TIGD4: variants seen among roughly 807,000 people sequenced by gnomAD.
TIGD4 encodes the protein tigger transposable element-derived protein 4.
A neutral mutation model predicts 24.9 loss-of-function variants in TIGD4; 20 were observed. That is an observed-to-expected ratio of 0.80 (90% CI 0.56 to 1.17). The LOEUF is 1.17. Among genes scored for constraint, TIGD4 ranks in the 50% most tolerant of loss-of-function variants. TIGD4 has a pLI of 0.00. For missense variants in TIGD4, 566 were observed against 591.0 expected (o/e 0.96, Z 0.44); for synonymous variants, 193 against 211.0 (o/e 0.91, Z 0.74).
chr4:152,775,727 C>T (rs1264870241), intron 1 of TIGD4, among the ~76,000 whole-genome samples: 1 of 152,206 alleles, frequency 6.6e-6, no homozygotes, highest in East Asian at 1.9e-4. Context: ...TCTTAAAGTG[C>T]TCACTTGATT....
intron 1 of TIGD4, among the ~76,000 whole-genome samples, chr4:152,771,893 G>A (rs1730182700): frequency 1.3e-5 from 2 of 152,070 alleles, no homozygotes. Flanking sequence ...TTCACATGAG[G>A]TCACAGACTG....
Position 152,770,012 on chromosome 4 carries a change from T to A in TIGD4, c.993A>T (p.Arg331=). Residue 331 remains arginine, a synonymous_variant, in exon 2 of 2, where the codon CGA becomes CGT. Coordinates refer to ENST00000304337, the MANE Select transcript of TIGD4 (RefSeq NM_145720.4). ...TTAAAAATTTCTTGATAAGACAGTG[T>A]CGATATTTGATTTTAAGGCTTTTAA... ...GVIKSLKIKY[R]HCLIKKFLSS... 4.3e-6 allele frequency: 7 copies of A among 1,610,690 alleles called. No individual in the cohort carries two copies. Among genetic ancestry groups the A allele is most frequent in the Non-Finnish European group, 5.9e-6 (7 of 1,177,680 alleles).
chr4:152,771,731 T>C (rs553344027), intron 1 of TIGD4, among the ~76,000 whole-genome samples, 189 bp from the exon 2 acceptor site: 38 of 152,352 alleles, frequency 2.5e-4, no homozygotes, highest in African/African-American at 8.9e-4. Context: ...TCTCTAGTTC[T>C]GTTCTACAGA....
chr4:152,772,493 T>C (rs1478946538), intron 1 of TIGD4, among the ~76,000 whole-genome samples: 3 of 152,222 alleles, frequency 2.0e-5, no homozygotes, highest in Non-Finnish European at 2.9e-5. Flanking sequence ...TATCTCATTA[T>C]TGTGCATTCA....
chr4:152,769,620 G>T lies in TIGD4; in HGVS notation c.1385C>A (p.Ser462Tyr). ...YTSDEEDDDG[S>Y]PGTELPLPSK... is the part of the protein sequence containing the mutation. ...TGGTAAAGGGAGTTCAGTTCCTGGA[G>T]ATCCATCATCATCCTCTTCATCAGA... The change falls in exon 2 of 2, where the codon TCT becomes TAT. Residue 462 changes from serine (S) to tyrosine (Y), a missense_variant. Transcript: ENST00000304337. 1 of 1,613,696 alleles carries T rather than the reference G, an allele frequency of 6.2e-7. No homozygotes were observed. The highest frequency in any genetic ancestry group is 8.5e-7 in the Non-Finnish European group (1 of 1,179,794).
Position 152,770,158 on chromosome 4 carries a change from C to T in TIGD4, c.847G>A (p.Val283Met). The T allele has an allele frequency of 1.2e-6, 2 of 1,614,110 alleles. No homozygotes were observed. The highest frequency in any genetic ancestry group is 1.7e-6 in the Non-Finnish European group (2 of 1,179,960). ...GGAAAAGACTCAACAAAAATCACCA[C>T]TCTTCGTTGCTGGGCTTGAAATTCC... is the stretch of plus-strand genomic sequence containing the variant. Reference protein sequence around the residue: ...DEEFQAQQRRVVIFVESFPAH... With the variant: ...DEEFQAQQRRMVIFVESFPAH... Residue 283 changes from valine to methionine, a missense_variant, in exon 2 of 2, where the codon GTG becomes ATG. By Grantham distance (21) the Val-to-Met change is conservative (BLOSUM62 1). Coordinates refer to ENST00000304337, the MANE Select transcript of TIGD4 (RefSeq NM_145720.4).
At position 152,770,231 on chromosome 4, in the gene TIGD4, T is replaced by C. The variant is rs753700008; in HGVS notation, c.774A>G (p.Ala258=). 6.2e-7 allele frequency: 1 copy of C among 1,614,130 alleles called. No homozygotes were observed. Among genetic ancestry groups the C allele is most frequent in the Non-Finnish European group, 8.5e-7 (1 of 1,179,974 alleles). The stretch of plus-strand genomic sequence containing the variant: ...GTTCAAATACATCGGAGGTCATCCA[T>C]GCCATTCTGTTAGCTTCATAACACA... ...LPVCYEANRM[A]WMTSDVFEQW... Residue 258 remains alanine (A), a synonymous_variant, in exon 2 of 2, where the codon GCA becomes GCG. Transcript: ENST00000304337.
chr4:152,777,485 A>G (rs1435720470), intron 1 of TIGD4, among the ~76,000 whole-genome samples: 1 of 151,852 alleles, frequency 6.6e-6, no homozygotes, highest in African/African-American at 2.4e-5. Flanking sequence ...AGGGTCCCCC[A>G]AGTTTTAGGG....
chr4:152,770,674 G>A lies in TIGD4; in HGVS notation c.331C>T (p.Arg111Cys), dbSNP rs775007810. ...LNVPVNGPMLRLKANDFAQKL... is the reference protein window; with the variant it reads ...LNVPVNGPMLCLKANDFAQKL... ...TGGGCAAAATCATTAGCTTTTAGAC[G>A]TAACATCGGACCATTAACTGGTACA... The change falls in exon 2 of 2, where the codon CGT (arginine) becomes TGT (cysteine). Residue 111 changes from arginine (R) to cysteine (C), a missense_variant. Arg to Cys is a radical substitution (Grantham distance 180, BLOSUM62 -3). Coordinates refer to ENST00000304337, the MANE Select transcript of TIGD4 (RefSeq NM_145720.4). The A allele has an allele frequency of 1.1e-5, 17 of 1,611,364 alleles. No individual in the cohort carries two copies. The highest frequency in any genetic ancestry group is 1.7e-4 in the Middle Eastern group (1 of 6,038).
intron 1 of TIGD4, among the ~76,000 whole-genome samples, chr4:152,777,008 A>G (rs1730270835): frequency 6.6e-6 from 1 of 152,370 alleles, no homozygotes; most frequent in African/African-American, 2.4e-5. Context: ...GCTGATAAGA[A>G]TAGACAATAA....
At position 152,770,202 on chromosome 4, in the gene TIGD4, C is replaced by T. The variant is rs770074368; in HGVS notation, c.803G>A (p.Trp268Ter). Residue 268 changes from tryptophan to a stop codon, truncating the protein, a stop_gained, in exon 2 of 2, where the codon TGG becomes TAG. Coordinates refer to ENST00000304337, the MANE Select transcript of TIGD4 (RefSeq NM_145720.4). LOFTEE classifies it high-confidence loss of function. The stretch of plus-strand genomic sequence containing the variant: ...AAATTCCTCATCAAGCTTTCGCATC[C>T]ATTGTTCAAATACATCGGAGGTCAT... ...AWMTSDVFEQ[W>*]MRKLDEEFQA... 31 of 1,613,938 alleles carry T rather than the reference C, an allele frequency of 1.9e-5. No homozygotes were observed. The highest frequency in any genetic ancestry group is 2.5e-5 in the Non-Finnish European group (30 of 1,179,962).
intron 1 of TIGD4, among the ~76,000 whole-genome samples, chr4:152,772,169 T>A (rs188753513): frequency 2.0e-5 from 3 of 152,344 alleles, no homozygotes; most frequent in Admixed American, 1.3e-4. Context: ...GGCTAAGAAC[T>A]CAGTAACTTT....
chr4:152,776,370 TA>T (rs1289330238), intron 1 of TIGD4, among the ~76,000 whole-genome samples: 2 of 152,224 alleles, frequency 1.3e-5, no homozygotes, highest in African/African-American at 4.8e-5. Flanking sequence ...TTTACAACTC[TA>T]ATGTTCTACC....
At chr4:152,774,260 T>C (rs1341263919) in intron 1 of TIGD4, among the ~76,000 whole-genome samples, 1 of 152,220 alleles carries the variant, frequency 6.6e-6, no homozygotes, top group African/African-American at 2.4e-5. Flanking sequence ...ATGTGATAAC[T>C]TTATTTAGGA....
At chr4:152,777,113 T>C (rs770864519) in intron 1 of TIGD4, among the ~76,000 whole-genome samples, 3 of 151,696 alleles carry the variant, frequency 2.0e-5, no homozygotes, top group Non-Finnish European at 4.4e-5. Context: ...TTTATACCTA[T>C]CTCTATTAGT....
intron 1 of TIGD4, among the ~76,000 whole-genome samples, chr4:152,774,815 C>T (rs1230241517): frequency 6.6e-6 from 1 of 151,876 alleles, no homozygotes; most frequent in Non-Finnish European, 1.5e-5. Context: ...TGTTAGGAGG[C>T]ACATAAATTG....
intron 1 of TIGD4, among the ~76,000 whole-genome samples, chr4:152,775,670 ATC>A (rs1361954177): frequency 2.6e-5 from 4 of 152,150 alleles, no homozygotes; most frequent in Admixed American, 6.5e-5. Flanking sequence ...CACACTTTGA[ATC>A]TCTCTGACTT....
chr4:152,776,784 A>G (rs1286773071), intron 1 of TIGD4, among the ~76,000 whole-genome samples: 2 of 152,202 alleles, frequency 1.3e-5, no homozygotes, highest in Admixed American at 1.3e-4. Flanking sequence ...TTTCCCAAAA[A>G]CCATCTTATT....
At position 152,772,835 on chromosome 4, in the gene TIGD4, C is replaced by T. The variant is rs576267269; in HGVS notation, c.-538-1293G>A. ...CATGCGATTCTCCTGCCTCAGCCTC[C>T]CAAGTAGCTGGGACTACAGGCACAC... On this transcript the variant is annotated intron_variant, in intron 1 of 1. Coordinates refer to ENST00000304337, the MANE Select transcript of TIGD4 (RefSeq NM_145720.4). Among the ~76,000 whole-genome samples, 10 of 152,236 alleles carry T rather than the reference C, an allele frequency of 6.6e-5. No individual in the cohort carries two copies. In the South Asian group the frequency reaches 2.1e-3, roughly 32 times the overall value.
Sources: allele counts gnomAD v4.1 joint callset (sites outside exome capture counted in the v4.1 genomes callset), GRCh38; gene constraint gnomAD v4.1.1; transcripts MANE v1.5; gene names NCBI Gene and HGNC (gene_info 2026-07-23, HGNC 2026-07-21).